The following KIAA1328 variants were observed in gnomAD, a reference collection of about 807,000 sequenced individuals.
KIAA1328 encodes protein hinderin.
A neutral mutation model predicts 68.1 loss-of-function variants in KIAA1328; 52 were observed. That is an observed-to-expected ratio of 0.76 (90% CI 0.61 to 0.96). The LOEUF (loss-of-function observed/expected upper bound fraction) is 0.96. Among genes scored for constraint, KIAA1328 ranks in the 40% least tolerant of loss-of-function variants. The probability of loss-of-function intolerance (pLI) is 0.00; values close to 1 mark genes in which losing one functional copy is unlikely to be tolerated. For missense variants in KIAA1328, 641 were observed against 677.6 expected (o/e 0.95, Z 0.60); for synonymous variants, 232 against 239.4 (o/e 0.97, Z 0.28).
intron 4 of KIAA1328, among the ~76,000 whole-genome samples, chr18:36,857,196 C>G (rs1177852576): frequency 1.3e-5 from 2 of 152,168 alleles, no homozygotes; most frequent in African/African-American, 4.8e-5. Flanking sequence ...GCATTACACT[C>G]TGGATTCCCT....
chr18:36,863,432 A>G (rs2047635845), intron 4 of KIAA1328, among the ~76,000 whole-genome samples: 1 of 152,162 alleles, frequency 6.6e-6, no homozygotes, highest in South Asian at 2.1e-4. Context: ...GCACTATAGT[A>G]AGCCTTAATA....
chr18:36,960,107 A>C (rs2051597318), intron 6 of KIAA1328, among the ~76,000 whole-genome samples: 1 of 152,176 alleles, frequency 6.6e-6, no homozygotes, highest in Non-Finnish European at 1.5e-5. Flanking sequence ...TTCCACCCAA[A>C]TACTGGGCTT....
chr18:36,943,502 A>T (rs1487847417), intron 5 of KIAA1328, among the ~76,000 whole-genome samples: 2 of 152,220 alleles, frequency 1.3e-5, no homozygotes, highest in African/African-American at 4.8e-5. Context: ...TAGTCTTGCA[A>T]TACCTGTAAT....
chr18:37,027,322 C>A (rs1011716205), intron 6 of KIAA1328, among the ~76,000 whole-genome samples: 5 of 152,068 alleles, frequency 3.3e-5, no homozygotes, highest in African/African-American at 1.2e-4. Flanking sequence ...CAATGCCATC[C>A]CCATCAAGCT....
At chr18:37,081,805 C>G (rs962359859) in intron 7 of KIAA1328, among the ~76,000 whole-genome samples, 3 of 152,186 alleles carry the variant, frequency 2.0e-5, no homozygotes, top group African/African-American at 7.2e-5. Flanking sequence ...TTAAATATCT[C>G]TGTCCTACTT....
chr18:37,045,004 A>G (rs999032799), intron 6 of KIAA1328, among the ~76,000 whole-genome samples: 2 of 152,080 alleles, frequency 1.3e-5, no homozygotes, highest in Non-Finnish European at 2.9e-5. Context: ...CAAGTAGTGG[A>G]AGTTGGGTTT....
chr18:36,962,732 G>C lies in KIAA1328; in HGVS notation c.576+3297G>C, dbSNP rs1338782840. 3.3e-5 allele frequency among the ~76,000 whole-genome samples: 5 copies of C among 152,254 alleles called. No homozygotes were observed. In the South Asian group the frequency reaches 1.0e-3, roughly 32 times the overall value. On this transcript the variant is annotated intron_variant, in intron 6 of 9. Coordinates refer to ENST00000280020, the MANE Select transcript of KIAA1328 (RefSeq NM_020776.3). ...CCTGAATGACTACTGGGTAAATAAC[G>C]AAATGAAGGCAGAAATAAAGATCTT... is the stretch of plus-strand genomic sequence containing the variant.
intron 6 of KIAA1328, among the ~76,000 whole-genome samples, chr18:37,008,576 C>T (rs1292698904): frequency 6.6e-6 from 1 of 152,130 alleles, no homozygotes; most frequent in Admixed American, 6.5e-5. Flanking sequence ...AATCACAACT[C>T]CAGGGTCAAC....
In KIAA1328 at chr18:37,222,579, C is replaced by A. The variant is rs115993757; in HGVS notation, c.*352C>A. On this transcript the variant is annotated 3_prime_UTR_variant, in exon 10 of 10. Coordinates refer to ENST00000280020, the MANE Select transcript of KIAA1328 (RefSeq NM_020776.3). ...ACTTCTGCTAGAAAATGCTGACTCACTTTTATATACAAGAAAAACCTTTCC... is the reference window on the plus strand; with the variant it reads ...ACTTCTGCTAGAAAATGCTGACTCAATTTTATATACAAGAAAAACCTTTCC... 7.1e-5 allele frequency: 76 copies of A among 1,077,552 alleles called. No individual in the cohort carries two copies. In the African/African-American group the frequency reaches 1.2e-3, roughly 17 times the overall value. 66.7% of individuals were successfully genotyped at this position (1,077,552 alleles called of 1,614,324 possible).
intron 9 of KIAA1328, among the ~76,000 whole-genome samples, chr18:37,213,351 A>G (rs2060355879): frequency 6.6e-6 from 1 of 152,108 alleles, no homozygotes; most frequent in Admixed American, 6.5e-5. Flanking sequence ...CTCTGTGTCC[A>G]AGTGTTCTCA....
At chr18:36,949,597 T>TCCCCC (rs71168248) in intron 5 of KIAA1328, among the ~76,000 whole-genome samples, 50 of 57,382 alleles carry the variant, frequency 8.7e-4, no homozygotes, top group African/African-American at 1.5e-3. Context: ...TCTACCCAGC[T>TCCCCC]CCCCCCCCCC....
At chr18:37,170,918 G>T (rs1375840970) in intron 8 of KIAA1328, among the ~76,000 whole-genome samples, 4 of 152,066 alleles carry the variant, frequency 2.6e-5, no homozygotes, top group Admixed American at 6.6e-5. Flanking sequence ...CCAGACTAAG[G>T]CCGGGAGCAG....
chr18:37,050,948 C>T (rs1238215578), intron 6 of KIAA1328, among the ~76,000 whole-genome samples: 1 of 152,068 alleles, frequency 6.6e-6, no homozygotes, highest in Non-Finnish European at 1.5e-5. Context: ...GTAGCATAAA[C>T]CATAGAGATA....
chr18:37,095,308 T>G (rs1421046194), intron 7 of KIAA1328, among the ~76,000 whole-genome samples: 5 of 152,124 alleles, frequency 3.3e-5, no homozygotes, highest in African/African-American at 4.8e-5. Context: ...CAGAACATTC[T>G]CCAGGATAGA....
intron 7 of KIAA1328, among the ~76,000 whole-genome samples, chr18:37,100,471 G>A (rs948286410): frequency 6.6e-6 from 1 of 152,224 alleles, no homozygotes; most frequent in African/African-American, 2.4e-5. Context: ...CAAGGCTGGG[G>A]GAGGGGCGCC....
intron 6 of KIAA1328, among the ~76,000 whole-genome samples, chr18:36,978,063 G>A (rs1336871911): frequency 1.3e-5 from 2 of 152,166 alleles, no homozygotes; most frequent in Non-Finnish European, 2.9e-5. Flanking sequence ...GATTACAGGT[G>A]AGAGCCACCG....
intron 5 of KIAA1328, among the ~76,000 whole-genome samples, chr18:36,909,183 G>A (rs2049333750): frequency 2.6e-5 from 4 of 152,024 alleles, no homozygotes; most frequent in African/African-American, 9.7e-5. Flanking sequence ...TGCACAATGT[G>A]CAGGTTTGTT....
At chr18:37,089,187 AG>A (rs1158145639) in intron 7 of KIAA1328, among the ~76,000 whole-genome samples, 2 of 152,028 alleles carry the variant, frequency 1.3e-5, no homozygotes, top group Non-Finnish European at 2.9e-5. Flanking sequence ...TGTTTGAGGT[AG>A]GGAGGATAGG....
chr18:36,862,653 A>G (rs1418470949), intron 4 of KIAA1328, among the ~76,000 whole-genome samples: 1 of 152,212 alleles, frequency 6.6e-6, no homozygotes. Context: ...TGAAGCTGCT[A>G]TGAACATCCA....
Sources: allele counts gnomAD v4.1 joint callset (sites outside exome capture counted in the v4.1 genomes callset), GRCh38; gene constraint gnomAD v4.1.1; transcripts MANE v1.5; gene names NCBI Gene and HGNC (gene_info 2026-07-23, HGNC 2026-07-21).